The following ACLY variants were observed in gnomAD, a reference collection of about 807,000 sequenced individuals.
ACLY encodes the protein ATP citrate lyase.
ACLY carries 41 observed loss-of-function variants against 133.0 expected under a neutral mutation model. That is an observed-to-expected ratio of 0.31 (90% confidence interval 0.24 to 0.40). ACLY has a LOEUF of 0.40. Among genes scored for constraint, ACLY ranks in the 10% least tolerant of loss-of-function variants. The pLI is 1.00. For synonymous variants in ACLY, 495 were observed against 549.3 expected (o/e 0.90, Z 1.38); for missense variants, 1,046 against 1,453.8 (o/e 0.72, Z 4.56).
intron 14 of ACLY, among the ~76,000 whole-genome samples, 196 bp downstream of exon 14, chr17:41,896,424 C>T (rs1462063454): frequency 1.3e-5 from 2 of 152,066 alleles, no homozygotes; most frequent in South Asian, 2.1e-4. Context: ...CTGAGTGGGG[C>T]GCGTACTGAG....
At chr17:41,874,216 T>C (rs2048671464) in intron 22 of ACLY, among the ~76,000 whole-genome samples, 1 of 152,212 alleles carries the variant, frequency 6.6e-6, no homozygotes, top group Non-Finnish European at 1.5e-5. Flanking sequence ...TCTATTTCTA[T>C]CCTTCCCTGA....
intron 20 of ACLY, among the ~76,000 whole-genome samples, chr17:41,879,410 C>G (rs1323084380): frequency 2.0e-5 from 3 of 147,824 alleles, no homozygotes; most frequent in Admixed American, 6.7e-5. Flanking sequence ...CTGCCCCCCC[C>G]GCCTTTTTTT....
At chr17:41,922,627 CT>C (rs2050196378), upstream of ACLY, among the ~76,000 whole-genome samples, 1 of 152,162 alleles carries the variant, frequency 6.6e-6, no homozygotes, top group Non-Finnish European at 1.5e-5. Flanking sequence ...TTCAGATATA[CT>C]TGCGTATGTG....
At chr17:41,887,127 GAAAAAAAAAAAAAAAAA>G (rs535668437) in intron 17 of ACLY, among the ~76,000 whole-genome samples, 5 of 110,412 alleles carry the variant, frequency 4.5e-5, no homozygotes, top group Admixed American at 1.8e-4. Context: ...CCGTCTCAAA[GAAAAAAAAAAAAAAAAA>G]AAAAAAAAAA....
At chr17:41,919,002 T>C (rs782309519), upstream of ACLY, 3 of 1,285,810 alleles carry the variant, frequency 2.3e-6, no homozygotes, top group Non-Finnish European at 3.0e-6. Context: ...GCCGGACTTT[T>C]CCCCGCCCCC....
intron 2 of ACLY, among the ~76,000 whole-genome samples, chr17:41,912,886 A>T (rs782382291): frequency 6.6e-6 from 1 of 152,184 alleles, no homozygotes; most frequent in Non-Finnish European, 1.5e-5. Flanking sequence ...TATGGACCAG[A>T]ACATGTGTTC....
intron 14 of ACLY, among the ~76,000 whole-genome samples, chr17:41,894,892 A>G (rs1305459008): frequency 6.6e-6 from 1 of 152,146 alleles, no homozygotes; most frequent in Non-Finnish European, 1.5e-5. Flanking sequence ...ACTGTACTAG[A>G]GCAGGCTTGG....
At chr17:41,882,962 G>A (rs1437959465) in intron 20 of ACLY, among the ~76,000 whole-genome samples, 160 bp downstream of exon 20, 1 of 152,194 alleles carries the variant, frequency 6.6e-6, no homozygotes, top group African/African-American at 2.4e-5. Flanking sequence ...TAAGCTCCCA[G>A]AGAGCAGGGC....
rs151030814 is a variant in ACLY, at chr17:41,893,133, C to T, written c.1501G>A (p.Val501Met). Residue 501 changes from valine (V) to methionine (M), a missense_variant, in exon 15 of 29, where the codon GTG becomes ATG. Coordinates refer to ENST00000352035, the MANE Select transcript of ACLY (RefSeq NM_001096.3). ...ACGGCCCGGGTCTGCATGCCCCACACAATGGCCTTGGTGTGGCGGCTGAAG... is the reference window on the plus strand; with the variant it reads ...ACGGCCCGGGTCTGCATGCCCCACATAATGGCCTTGGTGTGGCGGCTGAAG... ...TLFSRHTKAI[V>M]WGMQTRAVQG... is the part of the protein sequence containing the mutation. 345 of 1,613,956 alleles carry T rather than the reference C, an allele frequency of 2.1e-4. No individual in the cohort carries two copies. The highest frequency in any genetic ancestry group is 2.7e-4 in the Non-Finnish European group (322 of 1,179,982).
chr17:41,909,744 G>A, intron 4 of ACLY, 44 bp from the exon 5 acceptor site: 2 of 1,587,696 alleles, frequency 1.3e-6, no homozygotes, highest in Non-Finnish European at 1.7e-6. Flanking sequence ...GGTTGTGGGG[G>A]CGAAGCTGGT....
upstream of ACLY, chr17:41,919,070 G>T (rs376935961): frequency 3.2e-6 from 4 of 1,238,578 alleles, no homozygotes; most frequent in South Asian, 1.3e-5. Flanking sequence ...TAGCCTGAGC[G>T]CCAGGGCTCC....
At chr17:41,908,090 C>T (rs1210208347) in intron 6 of ACLY, among the ~76,000 whole-genome samples, 1 of 152,144 alleles carries the variant, frequency 6.6e-6, no homozygotes, top group African/African-American at 2.4e-5. Context: ...ACCCATCTTC[C>T]TCCTCCCCCA....
chr17:41,917,726 GC>G lies in ACLY; in HGVS notation c.-24+1153del. 2.0e-5 allele frequency among the ~76,000 whole-genome samples: 3 copies of G among 152,290 alleles called. No individual in the cohort carries two copies. In the Middle Eastern group the frequency reaches 0.01, roughly 518 times the overall value. On this transcript the variant is annotated intron_variant, in intron 1 of 28. Transcript: ENST00000352035. ...TCTAGAGAGGCAGAATTCTGTGAGTGCCCCTTACTGCGGCAGGCATAGTGTC... is the reference window on the plus strand; with the variant it reads ...TCTAGAGAGGCAGAATTCTGTGAGTGCCCTTACTGCGGCAGGCATAGTGTC...
rs782651367 is a variant in ACLY, at chr17:41,898,792, G to A, written c.1184-7C>T. The A allele has an allele frequency of 1.9e-6, 3 of 1,609,026 alleles. No individual in the cohort carries two copies. The highest frequency in any genetic ancestry group is 2.2e-5 in the South Asian group (2 of 90,650). On this transcript the variant is annotated splice_polypyrimidine_tract_variant and splice_region_variant and intron_variant, in intron 11 of 28. Transcript: ENST00000352035. ...GGGATCCCAGTGGTCTTCCCTGCAA[G>A]GGAAGGAAAAAAAAATCCATAATTC...
chr17:41,873,744 C>A (rs1416441797), intron 23 of ACLY, 67 bp downstream of exon 23: 1 of 1,470,984 alleles, frequency 6.8e-7, no homozygotes. Context: ...ACTCCCACCC[C>A]TTTGTTGGGG....
intron 10 of ACLY, 91 bp downstream of exon 10, chr17:41,904,638 T>A: frequency 7.8e-7 from 1 of 1,287,286 alleles, no homozygotes; most frequent in East Asian, 2.4e-5. Flanking sequence ...CATGGTAACT[T>A]GGCTCTGGCT....
chr17:41,921,131 CAAAAA>C (rs34787014), upstream of ACLY, among the ~76,000 whole-genome samples: 1 of 131,536 alleles, frequency 7.6e-6, no homozygotes, highest in African/African-American at 2.9e-5. Context: ...CATCTCAAAG[CAAAAA>C]AAAAAAAAAA....
Position 41,901,723 on chromosome 17 carries a change from C to T in ACLY, c.1156G>A (p.Glu386Lys). 6.2e-7 allele frequency: 1 copy of T among 1,611,028 alleles called. No individual in the cohort carries two copies. The highest frequency in any genetic ancestry group is 8.5e-7 in the Non-Finnish European group (1 of 1,178,232). Residue 386 changes from glutamate (E) to lysine (K), a missense_variant, in exon 11 of 29, where the codon GAG becomes AAG. Physicochemically the swap from Glu to Lys is moderately conservative, Grantham distance 56. This residue lies in a region of ACLY where 575 missense variants were observed against 804.2 expected (regional missense o/e 0.71). Coordinates refer to ENST00000352035, the MANE Select transcript of ACLY (RefSeq NM_001096.3). ...ACTTCTCCCATCACCCGTAAGCCCTCCTGATAGTTGGGGCCACCTCTTCGG... is the reference window on the plus strand; with the variant it reads ...ACTTCTCCCATCACCCGTAAGCCCTTCTGATAGTTGGGGCCACCTCTTCGG... ...FVRRGGPNYQ[E>K]GLRVMGEVGK...
chr17:41,890,450 C>T (rs868987869), intron 16 of ACLY, among the ~76,000 whole-genome samples: 61 of 150,868 alleles, frequency 4.0e-4, no homozygotes, highest in African/African-American at 1.4e-3. Context: ...TTTGGGAGGC[C>T]GAGGCGGGCG....
Sources: allele counts gnomAD v4.1 joint callset (sites outside exome capture counted in the v4.1 genomes callset), GRCh38; gene constraint gnomAD v4.1.1; regional missense constraint gnomAD v4.1.1; transcripts MANE v1.5; gene names NCBI Gene and HGNC (gene_info 2026-07-23, HGNC 2026-07-21).